The following HSF2BP variants were observed in gnomAD, a reference collection of about 807,000 sequenced individuals.
HSF2BP encodes heat shock transcription factor 2 binding protein.
A neutral mutation model predicts 35.0 loss-of-function variants in HSF2BP; 35 were observed. The observed-to-expected ratio is 1.00, with a 90% CI of 0.76 to 1.32. HSF2BP has a LOEUF of 1.32. HSF2BP is among the 40% of genes most tolerant of loss of function. HSF2BP has a pLI of 0.00. For missense variants in HSF2BP, 326 were observed against 321.7 expected (o/e 1.01, Z -0.10); for synonymous variants, 114 against 117.4 (o/e 0.97, Z 0.18).
intron 5 of HSF2BP, among the ~76,000 whole-genome samples, chr21:43,631,507 G>C (rs180681048): frequency 7.2e-5 from 11 of 151,914 alleles, no homozygotes; most frequent in Non-Finnish European, 1.5e-4. Flanking sequence ...GTGTAGACGC[G>C]ATGTGCCACA....
intron 7 of HSF2BP, among the ~76,000 whole-genome samples, chr21:43,593,426 C>A (rs1171937498): frequency 1.3e-5 from 2 of 152,000 alleles, no homozygotes; most frequent in Non-Finnish European, 2.9e-5. Context: ...AATGGGAGTT[C>A]ATAACAAAAA....
chr21:43,611,406 T>C (rs2082202966), intron 7 of HSF2BP, among the ~76,000 whole-genome samples: 1 of 152,324 alleles, frequency 6.6e-6, no homozygotes, highest in East Asian at 1.9e-4. Flanking sequence ...AATGCAGCTA[T>C]AAATTCCAAA....
chr21:43,637,109 C>A (rs921273872), intron 4 of HSF2BP, among the ~76,000 whole-genome samples: 1 of 151,340 alleles, frequency 6.6e-6, no homozygotes, highest in African/African-American at 2.4e-5. Flanking sequence ...GCCAACATGG[C>A]GAAACCCTGC....
At chr21:43,614,238 C>T (rs1601670666) in intron 6 of HSF2BP, among the ~76,000 whole-genome samples, 2 of 151,654 alleles carry the variant, frequency 1.3e-5, no homozygotes, top group South Asian at 4.2e-4. Context: ...GTGTGTGCAC[C>T]TGTAGTCCTA....
chr21:43,655,083 C>T (rs1044333527), intron 3 of HSF2BP, among the ~76,000 whole-genome samples: 1 of 152,194 alleles, frequency 6.6e-6, no homozygotes, highest in Non-Finnish European at 1.5e-5. Flanking sequence ...GGACTGATCA[C>T]TAAAGACACT....
chr21:43,590,861 G>A (rs1392508281), intron 8 of HSF2BP, among the ~76,000 whole-genome samples: 1 of 152,248 alleles, frequency 6.6e-6, no homozygotes, highest in Non-Finnish European at 1.5e-5. Context: ...GGAGCAGGAA[G>A]GAGGGACCAC....
At chr21:43,615,238 G>A (rs1023572240) in intron 6 of HSF2BP, among the ~76,000 whole-genome samples, 13 of 152,312 alleles carry the variant, frequency 8.5e-5, no homozygotes, top group African/African-American at 3.1e-4. Context: ...GCACTGCCTT[G>A]CTCCTGATTT....
chr21:43,583,432 ACCTGCTGAGGGAGATGAAGG>A (rs1464791958), intron 8 of HSF2BP, among the ~76,000 whole-genome samples: 31 of 53,668 alleles, frequency 5.8e-4, no homozygotes, highest in African/African-American at 2.3e-3. Context: ...GGAGATGAGG[ACCTGCTGAGGGAGATGAAGG>A]CCTGCTGAGG....
chr21:43,588,792 G>C (rs1179279065), intron 8 of HSF2BP, among the ~76,000 whole-genome samples: 2 of 152,150 alleles, frequency 1.3e-5, no homozygotes, highest in Non-Finnish European at 2.9e-5. Context: ...TTACCTTACA[G>C]GTCAGGTCTA....
At chr21:43,605,145 A>G (rs1601654606) in intron 7 of HSF2BP, among the ~76,000 whole-genome samples, 1 of 149,002 alleles carries the variant, frequency 6.7e-6, no homozygotes, top group East Asian at 2.0e-4. Context: ...CACACACATC[A>G]GACACACCAC....
chr21:43,588,149 G>A (rs1292918378), intron 8 of HSF2BP, among the ~76,000 whole-genome samples: 1 of 152,132 alleles, frequency 6.6e-6, no homozygotes, highest in Non-Finnish European at 1.5e-5. Context: ...AGGCCGAGGC[G>A]GGTGGATCAC....
At position 43,656,492 on chromosome 21, in the gene HSF2BP, A is replaced by C; in HGVS notation, c.187+95T>G. On this transcript the variant is annotated intron_variant, in intron 3 of 8. Transcript: ENST00000291560. ...CAAATATCATCACAAGGACTGTAAG[A>C]GTACCTTAAAATTCGTTTACAATTA... is the stretch of plus-strand genomic sequence containing the variant. 4 of 1,170,848 alleles carry C rather than the reference A, an allele frequency of 3.4e-6. No individual in the cohort carries two copies. The South Asian group carries it at 4.4e-5, about 13-fold the overall frequency. The allele number at this position is 1,170,848 out of a possible 1,614,324, so 72.5% of individuals were successfully genotyped here. A position where few individuals can be genotyped will look rare whatever the true frequency, so the allele number is the denominator to read the frequency against.
chr21:43,640,800 C>CA (rs773035962), intron 4 of HSF2BP, among the ~76,000 whole-genome samples: 4,734 of 134,120 alleles, frequency 0.035, 264 homozygotes, highest in African/African-American at 0.12. Flanking sequence ...AAATTTTAAC[C>CA]AAAAAAAAAA....
At chr21:43,585,151 T>C (rs2081832208) in intron 8 of HSF2BP, among the ~76,000 whole-genome samples, 1 of 151,576 alleles carries the variant, frequency 6.6e-6, no homozygotes, top group Non-Finnish European at 1.5e-5. Flanking sequence ...TACAAAAAAA[T>C]GTTGTAAAAA....
At chr21:43,635,227 G>A (rs1048962097) in intron 4 of HSF2BP, among the ~76,000 whole-genome samples, 1 of 152,134 alleles carries the variant, frequency 6.6e-6, no homozygotes, top group Non-Finnish European at 1.5e-5. Context: ...GATACACCAT[G>A]TTCAAAAATT....
intron 8 of HSF2BP, among the ~76,000 whole-genome samples, chr21:43,588,872 G>T (rs995831732): frequency 2.0e-5 from 3 of 152,150 alleles, no homozygotes; most frequent in Non-Finnish European, 2.9e-5. Context: ...ACCCTGGTGG[G>T]TAAGTGTTGT....
At chr21:43,599,548 C>G (rs901493114) in intron 7 of HSF2BP, among the ~76,000 whole-genome samples, 4 of 152,146 alleles carry the variant, frequency 2.6e-5, no homozygotes, top group Non-Finnish European at 5.9e-5. Flanking sequence ...AATCCCAGCA[C>G]TTTGGGAGGC....
intron 6 of HSF2BP, among the ~76,000 whole-genome samples, chr21:43,616,423 C>A (rs918662427): frequency 6.6e-6 from 1 of 152,166 alleles, no homozygotes; most frequent in African/African-American, 2.4e-5. Flanking sequence ...GTGGGTGAAT[C>A]ACCTGAGGTC....
At chr21:43,583,763 T>C (rs1196725477) in intron 8 of HSF2BP, among the ~76,000 whole-genome samples, 4 of 123,080 alleles carry the variant, frequency 3.2e-5, no homozygotes, top group South Asian at 5.8e-4. Context: ...AAGGGCCTGC[T>C]GAGGGAGATG....
Sources: allele counts gnomAD v4.1 joint callset (sites outside exome capture counted in the v4.1 genomes callset), GRCh38; gene constraint gnomAD v4.1.1; transcripts MANE v1.5; gene names NCBI Gene and HGNC (gene_info 2026-07-23, HGNC 2026-07-21).